The following AUTS2 variants were observed in gnomAD, a reference collection of about 807,000 sequenced individuals.
AUTS2 encodes activator of transcription and developmental regulator AUTS2, also known as autism susceptibility gene 2 protein.
In AUTS2, 17 loss-of-function variants were observed where a neutral mutation model predicts 112.4. The observed-to-expected ratio is 0.15, with a 90% CI of 0.10 to 0.23. AUTS2 has a LOEUF of 0.23. Among genes scored for constraint, AUTS2 ranks in the 10% least tolerant of loss-of-function variants. The pLI, the probability that AUTS2 is intolerant of heterozygous loss-of-function variation, is 1.00. For missense variants in AUTS2, 1,510 were observed against 1,701.6 expected, an observed-to-expected ratio of 0.89 and a Z score of 1.98; for synonymous variants, 751 against 702.7, an observed-to-expected ratio of 1.07 and a Z score of -1.09.
intron 5 of AUTS2, among the ~76,000 whole-genome samples, chr7:70,647,242 C>T (rs1806220328): frequency 6.6e-6 from 1 of 152,174 alleles, no homozygotes; most frequent in African/African-American, 2.4e-5. Context: ...AGAGTTTTTC[C>T]TCTCATTCTT....
chr7:69,809,694 A>C (rs1181305712), intron 1 of AUTS2, among the ~76,000 whole-genome samples: 1 of 152,186 alleles, frequency 6.6e-6, no homozygotes, highest in Admixed American at 6.5e-5. Context: ...ACAAGAGAGC[A>C]TTGTACCCAG....
At chr7:70,321,793 T>C (rs1790266246) in intron 4 of AUTS2, among the ~76,000 whole-genome samples, 1 of 152,200 alleles carries the variant, frequency 6.6e-6, no homozygotes, top group South Asian at 2.1e-4. Context: ...AAAGAGATTA[T>C]GGTCAGGTGA....
At chr7:70,187,812 GTCT>G (rs1446050059) in intron 4 of AUTS2, among the ~76,000 whole-genome samples, 6 of 125,510 alleles carry the variant, frequency 4.8e-5, no homozygotes, top group Admixed American at 9.4e-5. Flanking sequence ...GGAGTCACTA[GTCT>G]TCTTTTGGAA....
rs866376248 is a variant in AUTS2, at chr7:70,790,101, C to T, written c.2885C>T (p.Ala962Val). ...CCCAACAGCACCTCGAGCCGGGAGG[C>T]CGAGCCGCGCAAGGGTGAGCCGGCC... ...ARPNSTSSREAEPRKGEPAYE... is the reference protein window; with the variant it reads ...ARPNSTSSREVEPRKGEPAYE... Residue 962 changes from alanine to valine, a missense_variant, in exon 19 of 19, where the codon GCC becomes GTC. This residue lies in a region of AUTS2 where 788 missense variants were observed against 797.6 expected (regional missense o/e 0.99). Transcript: ENST00000342771. This position sits in a 1 kb window ranked among gnomAD's most constrained non-coding sequence, Gnocchi z 7.6. 6.3e-7 allele frequency: 1 copy of T among 1,588,108 alleles called. No individual in the cohort carries two copies. Among genetic ancestry groups the T allele is most frequent in the Non-Finnish European group, 8.6e-7 (1 of 1,169,140 alleles).
intron 2 of AUTS2, among the ~76,000 whole-genome samples, chr7:69,997,311 CT>C (rs1286251169): frequency 6.6e-6 from 1 of 152,120 alleles, no homozygotes; most frequent in Non-Finnish European, 1.5e-5. Context: ...TTAACATCTA[CT>C]TGGGGATGCA....
At chr7:70,267,871 C>A (rs1465078706) in intron 4 of AUTS2, among the ~76,000 whole-genome samples, 4 of 152,172 alleles carry the variant, frequency 2.6e-5, no homozygotes, top group East Asian at 3.9e-4. Flanking sequence ...GCTTTTCCCC[C>A]CCTACACTTG....
chr7:70,627,488 A>G (rs1390724428), intron 5 of AUTS2, among the ~76,000 whole-genome samples: 2 of 152,216 alleles, frequency 1.3e-5, no homozygotes, highest in African/African-American at 4.8e-5. Context: ...TGTGGAGCTC[A>G]GATGTTTTTA....
At chr7:70,155,562 GT>G (rs1340274336) in intron 4 of AUTS2, among the ~76,000 whole-genome samples, 7 of 151,242 alleles carry the variant, frequency 4.6e-5, no homozygotes, top group Admixed American at 4.6e-4. Flanking sequence ...TGTGCCGTTT[GT>G]TTTTAATCCT....
rs186999917 is a variant in AUTS2 at position 70,568,429 on chromosome 7, A to C, written c.691-130140A>C. On this transcript the variant is annotated intron_variant, in intron 5 of 18. Transcript: ENST00000342771. The stretch of plus-strand genomic sequence containing the variant: ...AAAGCTCTCAATGCCTGGTGTGTTA[A>C]AGTGTTCGCAGTTGTTACTTTTTTA... 4.6e-4 allele frequency among the ~76,000 whole-genome samples: 70 copies of C among 152,346 alleles called. 1 individual carries two copies. The highest frequency in any genetic ancestry group is 4.3e-3 in the Admixed American group (66 of 15,300).
intron 1 of AUTS2, among the ~76,000 whole-genome samples, chr7:69,709,169 T>TAA (rs2129198882): frequency 6.6e-6 from 1 of 152,330 alleles, no homozygotes; most frequent in Non-Finnish European, 1.5e-5. Flanking sequence ...TTGGAAGAAT[T>TAA]GGCTTAAGGG....
intron 5 of AUTS2, among the ~76,000 whole-genome samples, chr7:70,654,481 C>A (rs1304904837): frequency 1.3e-5 from 2 of 152,098 alleles, no homozygotes; most frequent in African/African-American, 2.4e-5. Flanking sequence ...GGAATGTAAA[C>A]CATACTGCTT....
chr7:70,001,825 C>T (rs1211921596), intron 2 of AUTS2, among the ~76,000 whole-genome samples: 1 of 151,722 alleles, frequency 6.6e-6, no homozygotes, highest in Non-Finnish European at 1.5e-5. Context: ...ATTCTCCTGC[C>T]TCAGCCTCCT....
In AUTS2 at chr7:70,042,752, C is replaced by T. The variant is rs1352314620; in HGVS notation, c.523-75380C>T. ...ATTCTGCATGAAGTCTTTATGAATG[C>T]TTGTAAAAGGTCACTGACTCAGACA... On this transcript the variant is annotated intron_variant, in intron 2 of 18. Transcript: ENST00000342771. Among the ~76,000 whole-genome samples, 5 of 152,250 alleles carry T rather than the reference C, an allele frequency of 3.3e-5. No homozygotes were observed. In the East Asian group the frequency reaches 5.8e-4, roughly 18 times the overall value.
intron 3 of AUTS2, among the ~76,000 whole-genome samples, chr7:70,122,348 T>A (rs555392506): frequency 8.5e-5 from 13 of 152,338 alleles, no homozygotes; most frequent in Non-Finnish European, 1.6e-4. Flanking sequence ...TTAAAAAATG[T>A]AAAAATAATT....
At chr7:70,245,731 C>A (rs1162303142) in intron 4 of AUTS2, among the ~76,000 whole-genome samples, 1 of 152,060 alleles carries the variant, frequency 6.6e-6, no homozygotes, top group Non-Finnish European at 1.5e-5. Context: ...TGTCTCCTGG[C>A]ACATATCCTT....
Position 70,001,377 on chromosome 7 carries a change from T to C in AUTS2, c.522+101879T>C, listed in dbSNP as rs991498899. Among the ~76,000 whole-genome samples, 3 of 152,088 alleles carry C rather than the reference T, an allele frequency of 2.0e-5. No homozygotes were observed. The East Asian group carries it at 5.8e-4, about 29-fold the overall frequency. On this transcript the variant is annotated intron_variant, in intron 2 of 18. Transcript: ENST00000342771. ...GTGAGCTCAAGCGATTCTCCCTCCT[T>C]GGCCTCCCAAAATGCTGGGATTACA...
intron 2 of AUTS2, among the ~76,000 whole-genome samples, chr7:69,911,424 A>AG (rs1349903634): frequency 6.6e-6 from 1 of 152,162 alleles, no homozygotes; most frequent in Non-Finnish European, 1.5e-5. Context: ...CGTGGCGAGC[A>AG]GGGGGGAAAG....
intron 3 of AUTS2, among the ~76,000 whole-genome samples, chr7:70,129,447 C>T (rs556260810): frequency 2.0e-5 from 3 of 152,266 alleles, no homozygotes; most frequent in Admixed American, 1.3e-4. Flanking sequence ...ATCACAGAAA[C>T]ACCCAGAATC....
intron 1 of AUTS2, among the ~76,000 whole-genome samples, chr7:69,678,707 A>G (rs746880921): frequency 6.6e-6 from 1 of 152,204 alleles, no homozygotes; most frequent in Non-Finnish European, 1.5e-5. Context: ...TGACAGATAT[A>G]TTGCCAGATA....
Sources: gnomAD v4.1 joint callset for allele counts (sites outside exome capture counted in the v4.1 genomes callset) on GRCh38, gnomAD v4.1.1 for gene constraint, gnomAD v4.1.1 regional missense constraint, Gnocchi (gnomAD v3.1) non-coding constraint, MANE v1.5 for transcripts, NCBI Gene and HGNC (gene_info 2026-07-23, HGNC 2026-07-21) for gene names.